The following DAZAP1 variants were observed in gnomAD, a reference collection of about 807,000 sequenced individuals.
DAZAP1 encodes DAZ associated protein 1, also known as DAZ-associated protein 1.
DAZAP1 carries 6 observed loss-of-function variants against 60.1 expected under a neutral mutation model. That is an observed-to-expected ratio of 0.10 (90% CI 0.05 to 0.20). The LOEUF (loss-of-function observed/expected upper bound fraction) is 0.20, where lower values mean the gene tolerates loss of function less well. Among genes scored for constraint, DAZAP1 ranks in the 10% least tolerant of loss-of-function variants. DAZAP1 has a pLI of 1.00. For missense variants in DAZAP1, 366 were observed against 560.4 expected (o/e 0.65, Z 3.50); for synonymous variants, 235 against 215.9 (o/e 1.09, Z -0.78).
intron 10 of DAZAP1, among the ~76,000 whole-genome samples, chr19:1,431,151 T>C (rs538275196): frequency 5.9e-5 from 9 of 151,362 alleles, no homozygotes; most frequent in Admixed American, 2.6e-4. Context: ...TTTTTTGAGA[T>C]GGAGTCTCAC....
At chr19:1,411,342 C>T (rs1160801631) in intron 1 of DAZAP1, among the ~76,000 whole-genome samples, 2 of 152,234 alleles carry the variant, frequency 1.3e-5, no homozygotes. Flanking sequence ...CAGGAGTACC[C>T]CCAGTCGTGA....
intron 1 of DAZAP1, among the ~76,000 whole-genome samples, chr19:1,413,981 C>T (rs957603342): frequency 7.0e-6 from 1 of 143,782 alleles, no homozygotes; most frequent in Non-Finnish European, 1.5e-5. Flanking sequence ...TGCCCCACCC[C>T]CAGTGAACTG....
Position 1,434,964 on chromosome 19 carries a change from G to A in DAZAP1, c.*52G>A. ...CCCAGACCCAGGATTCCAAACTTGTGAACTCGTGACAATCACAAACTTGGC... is the reference window on the plus strand; with the variant it reads ...CCCAGACCCAGGATTCCAAACTTGTAAACTCGTGACAATCACAAACTTGGC... On this transcript the variant is annotated 3_prime_UTR_variant, in exon 12 of 12. Transcript: ENST00000233078. This position sits in a 1 kb window ranked among gnomAD's most constrained non-coding sequence, Gnocchi z 8.0. 1 of 1,020,358 alleles carries A rather than the reference G, an allele frequency of 9.8e-7. No individual in the cohort carries two copies. Among genetic ancestry groups the A allele is most frequent in the Non-Finnish European group, 1.2e-6 (1 of 847,108 alleles). 63.2% of individuals were successfully genotyped at this position (1,020,358 alleles called of 1,614,324 possible).
rs2144973882 is a variant in DAZAP1 at position 1,435,668 on chromosome 19, T to C, written c.*756T>C. The C allele has an allele frequency of 6.6e-6, 1 of 152,386 alleles. No homozygotes were observed. Among genetic ancestry groups the C allele is most frequent in the African/African-American group, 2.4e-5 (1 of 41,590 alleles). 9.4% of individuals were successfully genotyped at this position (152,386 alleles called of 1,614,324 possible). A position where few individuals can be genotyped will look rare whatever the true frequency, so the allele number is the denominator to read the frequency against. On this transcript the variant is annotated 3_prime_UTR_variant, in exon 12 of 12. Coordinates refer to ENST00000233078, the MANE Select transcript of DAZAP1 (RefSeq NM_018959.4). ...TGACCCTGGTTTGAATAAAGAGAAG[T>C]GCGTTTGGATTAGAAACCACTTTGT...
Position 1,433,233 on chromosome 19 carries a change from T to TG in DAZAP1, c.1048+550dup, listed in dbSNP as rs200695452. On this transcript the variant is annotated intron_variant, in intron 11 of 11. Coordinates refer to ENST00000233078, the MANE Select transcript of DAZAP1 (RefSeq NM_018959.4). This position sits in a 1 kb window ranked among gnomAD's most constrained non-coding sequence, Gnocchi z 6.1. ...CATGTGCTTCCGGGGCAGGAGCTTG[T>TG]GGGGGGGCGGGGTCAGCATGGGTCA... 1.0e-4 allele frequency: 11 copies of TG among 107,942 alleles called. No homozygotes were observed. The highest frequency in any genetic ancestry group is 7.9e-4 in the South Asian group (5 of 6,326). The allele number at this position is 107,942 out of a possible 1,614,324, so 6.7% of individuals were successfully genotyped here. A position where few individuals can be genotyped will look rare whatever the true frequency, so the allele number is the denominator to read the frequency against.
chr19:1,430,253 A>AGC lies in DAZAP1; in HGVS notation c.763_764dup (p.Pro258ArgfsTer78). 1 of 1,353,106 alleles carries AGC rather than the reference A, an allele frequency of 7.4e-7. No homozygotes were observed. Among genetic ancestry groups the AGC allele is most frequent in the Non-Finnish European group, 1.0e-6 (1 of 973,904 alleles). 83.8% of individuals were successfully genotyped at this position (1,353,106 alleles called of 1,614,324 possible). A position where few individuals can be genotyped will look rare whatever the true frequency, so the allele number is the denominator to read the frequency against. ...ATGGACCGCCCCCTGCAGGAAGAGG[A>AGC]GCCCCCCCGCCACCCCCACCGTTCA... On this transcript the variant is annotated frameshift_variant, in exon 10 of 12. Transcript: ENST00000233078. LOFTEE classifies it high-confidence loss of function.
At chr19:1,417,750 C>A (rs566150749) in intron 2 of DAZAP1, among the ~76,000 whole-genome samples, 1 of 152,198 alleles carries the variant, frequency 6.6e-6, no homozygotes, top group East Asian at 1.9e-4. Flanking sequence ...GGGAAGACCT[C>A]AGGCTGCAGG....
At position 1,428,074 on chromosome 19, in the gene DAZAP1, T is replaced by G. The variant is rs931450220; in HGVS notation, c.547-768T>G. 2.6e-5 allele frequency: 4 copies of G among 152,162 alleles called. No individual in the cohort carries two copies. Among genetic ancestry groups the G allele is most frequent in the African/African-American group, 9.7e-5 (4 of 41,434 alleles). The allele number at this position is 152,162 out of a possible 1,614,324, so 9.4% of individuals were successfully genotyped here. A position where few individuals can be genotyped will look rare whatever the true frequency, so the allele number is the denominator to read the frequency against. On this transcript the variant is annotated intron_variant, in intron 7 of 11. Transcript: ENST00000233078. The surrounding 1 kb of genome is among the most constrained non-coding windows in gnomAD (Gnocchi z 4.0). ...CCTAGAATAAGTAGGTCAGGCCTGC[T>G]CCATCCATTGTCCCCGGCCCCGCAC...
intron 4 of DAZAP1, among the ~76,000 whole-genome samples, chr19:1,419,606 A>G (rs1015544742): frequency 5.9e-5 from 9 of 152,132 alleles, no homozygotes; most frequent in South Asian, 2.1e-4. Context: ...AGTGTCTCTC[A>G]TAGCTGGTTT....
At chr19:1,421,378 C>T (rs959244164) in intron 5 of DAZAP1, 120 bp downstream of exon 5, 12 of 818,076 alleles carry the variant, frequency 1.5e-5, no homozygotes, top group East Asian at 5.3e-5. Flanking sequence ...GCTGGGAGCT[C>T]GCTGTCTCGT....
chr19:1,428,859 T>G lies in DAZAP1; in HGVS notation c.564T>G (p.Ala188=), dbSNP rs1224428403. ...TTGTTTAGGTGGAAGTTAAACGAGC[T>G]GAGCCTCGGGACAGCAAGAGCCAAG... ...IMGKKVEVKR[A]EPRDSKSQAP... is the part of the protein sequence containing the mutation. The change falls in exon 8 of 12, where the codon GCT becomes GCG. Residue 188 remains alanine, a synonymous_variant. Transcript: ENST00000233078. This position sits in a 1 kb window ranked among gnomAD's most constrained non-coding sequence, Gnocchi z 4.0. The G allele has an allele frequency of 6.2e-7, 1 of 1,613,020 alleles. No individual in the cohort carries two copies. Among genetic ancestry groups the G allele is most frequent in the Non-Finnish European group, 8.5e-7 (1 of 1,179,870 alleles).
At position 1,428,750 on chromosome 19, in the gene DAZAP1, A is replaced by G; in HGVS notation, c.547-92A>G. On this transcript the variant is annotated intron_variant, in intron 7 of 11. Transcript: ENST00000233078. The surrounding 1 kb of genome is among the most constrained non-coding windows in gnomAD (Gnocchi z 4.0). ...TTTAGTCTTAAGTTGTAAGATGCTA[A>G]GTGTAGTCATAAGTTACCCGAGGGT... 6.9e-7 allele frequency: 1 copy of G among 1,443,210 alleles called. No individual in the cohort carries two copies. Among genetic ancestry groups the G allele is most frequent in the Non-Finnish European group, 9.5e-7 (1 of 1,050,624 alleles). 89.4% of individuals were successfully genotyped at this position (1,443,210 alleles called of 1,614,324 possible).
chr19:1,410,842 G>A (rs1418170300), intron 1 of DAZAP1, among the ~76,000 whole-genome samples: 6 of 152,200 alleles, frequency 3.9e-5, no homozygotes, highest in African/African-American at 1.4e-4. Flanking sequence ...GGTAAGACAG[G>A]GACACCTGGA....
chr19:1,430,276 T>G lies in DAZAP1; in HGVS notation c.785T>G (p.Phe262Cys). 8.6e-7 allele frequency: 1 copy of G among 1,165,096 alleles called. No homozygotes were observed. The highest frequency in any genetic ancestry group is 1.2e-6 in the Non-Finnish European group (1 of 806,520). 72.2% of individuals were successfully genotyped at this position (1,165,096 alleles called of 1,614,324 possible). Residue 262 changes from phenylalanine to cysteine, a missense_variant, in exon 10 of 12, where the codon TTC (phenylalanine) becomes TGC (cysteine). Transcript: ENST00000233078. ...GGAGCCCCCCCGCCACCCCCACCGT[T>G]CACCTCCTACATCGTGTCCACCCCT... ...GRGAPPPPPP[F>C]TSYIVSTPPG...
In DAZAP1 at chr19:1,430,395, C is replaced by T. The variant is rs370582040; in HGVS notation, c.871+33C>T. The T allele has an allele frequency of 1.0e-4, 149 of 1,469,322 alleles. 1 individual carries two copies. In the Middle Eastern group the frequency reaches 5.0e-3, roughly 49 times the overall value. 91.0% of individuals were successfully genotyped at this position (1,469,322 alleles called of 1,614,324 possible). On this transcript the variant is annotated intron_variant, in intron 10 of 11. Transcript: ENST00000233078. ...TAGGGGGCCTTGTGGGAGGGCCTCC[C>T]GCCTGCTCCGGAGATGCCAGGTGGT...
In DAZAP1 at chr19:1,425,231, C is replaced by T. The variant is rs570622807; in HGVS notation, c.464-647C>T. 2.2e-4 allele frequency among the ~76,000 whole-genome samples: 34 copies of T among 152,256 alleles called. No individual in the cohort carries two copies. The highest frequency in any genetic ancestry group is 7.7e-4 in the African/African-American group (32 of 41,530). On this transcript the variant is annotated intron_variant, in intron 6 of 11. Transcript: ENST00000233078. The surrounding 1 kb of genome is among the most constrained non-coding windows in gnomAD (Gnocchi z 5.4). ...TCCTTGGGCTTACCCAACGGTGTTG[C>T]GTAAGCCTAGCGAGGCACCAGCTAT...
chr19:1,433,008 T>A lies in DAZAP1; in HGVS notation c.1048+318T>A, dbSNP rs1437878509. 1 of 312,786 alleles carries A rather than the reference T, an allele frequency of 3.2e-6. No homozygotes were observed. The highest frequency in any genetic ancestry group is 2.2e-5 in the African/African-American group (1 of 45,710). The allele number at this position is 312,786 out of a possible 1,614,324, so 19.4% of individuals were successfully genotyped here. A position where few individuals can be genotyped will look rare whatever the true frequency, so the allele number is the denominator to read the frequency against. ...GGCAGCTGTGATCACTGTCTAGAGG[T>A]TCAGGCCCTCGGTGTGGGTCCCGGG... On this transcript the variant is annotated intron_variant, in intron 11 of 11. Transcript: ENST00000233078. The surrounding 1 kb of genome is among the most constrained non-coding windows in gnomAD (Gnocchi z 6.1).
intron 4 of DAZAP1, among the ~76,000 whole-genome samples, chr19:1,419,682 G>A (rs986236522): frequency 6.6e-6 from 1 of 152,150 alleles, no homozygotes; most frequent in East Asian, 1.9e-4. Flanking sequence ...CTTTTCTTAA[G>A]ATATAATGGG....
Position 1,429,984 on chromosome 19 carries a change from G to T in DAZAP1, c.718G>T (p.Gly240Ter). The change falls in exon 9 of 12, where the codon GGA becomes TGA. Residue 240 changes from glycine to a stop codon, truncating the protein, a stop_gained. Coordinates refer to ENST00000233078, the MANE Select transcript of DAZAP1 (RefSeq NM_018959.4). LOFTEE classifies it high-confidence loss of function. ...TTATCTAGGAATGTGGGTGCCGGCA[G>T]GACAGGCGATTGGTAAGTCCTTGTT... Reference protein sequence around the residue: ...YGPQGMWVPAGQAIGGYGPPP... With the variant: ...YGPQGMWVPA 6.4e-7 allele frequency: 1 copy of T among 1,572,250 alleles called. No individual in the cohort carries two copies. The highest frequency in any genetic ancestry group is 2.3e-5 in the East Asian group (1 of 43,134).
Sources: gnomAD v4.1 joint callset for allele counts (sites outside exome capture counted in the v4.1 genomes callset) on GRCh38, gnomAD v4.1.1 for gene constraint, Gnocchi (gnomAD v3.1) non-coding constraint, MANE v1.5 for transcripts, NCBI Gene and HGNC (gene_info 2026-07-23, HGNC 2026-07-21) for gene names.